The following SV2C variants were observed in gnomAD, a reference collection of about 807,000 sequenced individuals.
The protein encoded by SV2C is solute carrier family 22 member B3.
In SV2C, 49 loss-of-function variants were observed where a neutral mutation model predicts 79.7. That is an observed-to-expected ratio of 0.61 (90% CI 0.49 to 0.78). SV2C has a LOEUF of 0.78. Ranked by LOEUF, SV2C falls within the 30% of genes least tolerant of loss-of-function variation. The pLI, the probability that SV2C is intolerant of heterozygous loss-of-function variation, is 0.00. For missense variants in SV2C, 833 were observed against 912.9 expected (o/e 0.91, Z 1.13); for synonymous variants, 334 against 333.2 (o/e 1.00, Z -0.03).
chr5:76,097,325 G>A (rs1490452036), intron 1 of SV2C, among the ~76,000 whole-genome samples: 1 of 152,112 alleles, frequency 6.6e-6, no homozygotes, highest in African/African-American at 2.4e-5. Context: ...GTAAATCAAG[G>A]GAAGACTATA....
At chr5:76,103,248 A>G (rs1747800643) in intron 1 of SV2C, among the ~76,000 whole-genome samples, 1 of 151,978 alleles carries the variant, frequency 6.6e-6, no homozygotes, top group African/African-American at 2.4e-5. Context: ...CAAAGCAGGG[A>G]GAGAGAGAGA....
chr5:75,895,998 C>G, the SV2C span, among the ~76,000 whole-genome samples: 1 of 151,988 alleles, frequency 6.6e-6, no homozygotes, highest in African/African-American at 2.4e-5. Context: ...ACAAAATGCA[C>G]ATACATAATT....
the SV2C span, among the ~76,000 whole-genome samples, chr5:76,061,021 CACA>C: frequency 6.6e-6 from 1 of 151,864 alleles, no homozygotes; most frequent in African/African-American, 2.4e-5. Flanking sequence ...GTGGAGCAAA[CACA>C]ACATTTATTG....
chr5:76,278,014 A>C (rs1747073975), intron 4 of SV2C, among the ~76,000 whole-genome samples: 1 of 152,172 alleles, frequency 6.6e-6, no homozygotes, highest in Non-Finnish European at 1.5e-5. Context: ...AAAACAAATA[A>C]AGTTTTACTC....
the SV2C span, among the ~76,000 whole-genome samples, chr5:76,041,360 G>A: frequency 6.6e-6 from 1 of 152,100 alleles, no homozygotes; most frequent in East Asian, 1.9e-4. Context: ...ATGCACATGT[G>A]TGTGAACATC....
intron 4 of SV2C, among the ~76,000 whole-genome samples, chr5:76,223,533 G>A (rs10039413): frequency 0.12 from 15,704 of 127,462 alleles, 1,696 homozygotes; most frequent in African/African-American, 0.24. Flanking sequence ...AGACTGAAGA[G>A]GTTTTTTACA....
rs1008511742 is a variant in SV2C, at chr5:76,332,359, C to G, written c.*6812C>G. The G allele has an allele frequency of 6.6e-6, 1 of 152,162 alleles. No individual in the cohort carries two copies. The highest frequency in any genetic ancestry group is 2.4e-5 in the African/African-American group (1 of 41,438). 9.4% of individuals were successfully genotyped at this position (152,162 alleles called of 1,614,324 possible). A position where few individuals can be genotyped will look rare whatever the true frequency, so the allele number is the denominator to read the frequency against. ...GCCTGCTCACAGGGGCTGGAGTCAT[C>G]TAAAGCTAGTGATGAGCTGGAATAG... On this transcript the variant is annotated 3_prime_UTR_variant, in exon 13 of 13. Transcript: ENST00000502798.
At chr5:76,058,163 G>A in the SV2C span, among the ~76,000 whole-genome samples, 3 of 152,078 alleles carry the variant, frequency 2.0e-5, no homozygotes, top group Non-Finnish European at 4.4e-5. Flanking sequence ...ACAGAAAATT[G>A]GCTATGGTGA....
chr5:75,986,448 G>A, the SV2C span, among the ~76,000 whole-genome samples: 2 of 151,786 alleles, frequency 1.3e-5, no homozygotes, highest in African/African-American at 4.8e-5. Context: ...AGAAAACATT[G>A]CCCCTCAGAG....
chr5:75,884,086 G>A, the SV2C span, among the ~76,000 whole-genome samples: 1 of 152,052 alleles, frequency 6.6e-6, no homozygotes, highest in African/African-American at 2.4e-5. Context: ...TTGAACTTCG[G>A]GAAGATATAC....
At chr5:76,292,173 C>T (rs1747588912) in intron 8 of SV2C, among the ~76,000 whole-genome samples, 1 of 152,168 alleles carries the variant, frequency 6.6e-6, no homozygotes, top group South Asian at 2.1e-4. Flanking sequence ...CTTCTTTGAA[C>T]ATTCTAGAAC....
At chr5:75,965,842 A>G in the SV2C span, among the ~76,000 whole-genome samples, 12 of 152,342 alleles carry the variant, frequency 7.9e-5, no homozygotes, top group South Asian at 2.5e-3. Flanking sequence ...CCAGAAAAAA[A>G]AAAGAAAAAT....
chr5:76,121,862 G>T (rs1383226156), intron 1 of SV2C, among the ~76,000 whole-genome samples: 3 of 151,556 alleles, frequency 2.0e-5, no homozygotes, highest in South Asian at 2.1e-4. Context: ...GCTCTTTTTT[G>T]GTTCCATATG....
At chr5:76,211,754 A>G (rs1744774764) in intron 4 of SV2C, among the ~76,000 whole-genome samples, 1 of 152,220 alleles carries the variant, frequency 6.6e-6, no homozygotes, top group Non-Finnish European at 1.5e-5. Flanking sequence ...AATCAGACAT[A>G]GACTTTAGTA....
chr5:76,093,752 G>C (rs111968183), intron 1 of SV2C, among the ~76,000 whole-genome samples: 15 of 152,144 alleles, frequency 9.9e-5, no homozygotes, highest in Admixed American at 9.8e-4. Context: ...TAAATATTCT[G>C]AATTCTTATC....
intron 1 of SV2C, among the ~76,000 whole-genome samples, chr5:76,128,404 G>A (rs140866970): frequency 1.3e-5 from 2 of 152,290 alleles, no homozygotes; most frequent in East Asian, 1.9e-4. Flanking sequence ...AACAATTTTA[G>A]TGTAGGAAAA....
the SV2C span, among the ~76,000 whole-genome samples, chr5:75,991,919 T>A: frequency 1.3e-5 from 2 of 151,806 alleles, no homozygotes; most frequent in Admixed American, 6.6e-5. Flanking sequence ...ACTTTAATTT[T>A]AAAAAATCTG....
chr5:76,002,224 A>G, the SV2C span, among the ~76,000 whole-genome samples: 2 of 151,994 alleles, frequency 1.3e-5, no homozygotes, highest in African/African-American at 2.4e-5. Flanking sequence ...GTTGACGGGC[A>G]TTTAGGTTGG....
At chr5:76,299,815 G>T (rs377646905) in intron 10 of SV2C, among the ~76,000 whole-genome samples, 136 of 152,194 alleles carry the variant, frequency 8.9e-4, no homozygotes, top group African/African-American at 3.1e-3. Flanking sequence ...ATCTTGATCA[G>T]CAAGGAAGAT....
Sources: gnomAD v4.1 joint callset for allele counts (sites outside exome capture counted in the v4.1 genomes callset) on GRCh38, gnomAD v4.1.1 for gene constraint, MANE v1.5 for transcripts, NCBI Gene and HGNC (gene_info 2026-07-23, HGNC 2026-07-21) for gene names.